The following NTSR1 variants were observed in gnomAD, a reference collection of about 807,000 sequenced individuals.
NTSR1 encodes the protein neurotensin receptor 1.
A neutral mutation model predicts 31.2 loss-of-function variants in NTSR1; 29 were observed. The observed-to-expected ratio is 0.93, with a 90% CI of 0.69 to 1.27. The LOEUF (loss-of-function observed/expected upper bound fraction) is 1.27. Among genes scored for constraint, NTSR1 ranks in the 50% most tolerant of loss-of-function variants. The pLI, the probability that NTSR1 is intolerant of heterozygous loss-of-function variation, is 0.00. For synonymous variants in NTSR1, 282 were observed against 269.9 expected (o/e 1.04, Z -0.44); for missense variants, 697 against 595.4 (o/e 1.17, Z -1.78).
At chr20:62,724,906 C>A (rs1344693253) in intron 1 of NTSR1, among the ~76,000 whole-genome samples, 1 of 152,216 alleles carries the variant, frequency 6.6e-6, no homozygotes, top group Non-Finnish European at 1.5e-5. Flanking sequence ...TCTGTGTCAT[C>A]TAAGGATACT....
intron 1 of NTSR1, among the ~76,000 whole-genome samples, chr20:62,721,097 G>A (rs957385490): frequency 1.3e-5 from 2 of 152,232 alleles, no homozygotes; most frequent in East Asian, 3.8e-4. Flanking sequence ...AGAATGTGCT[G>A]TGCTATCATT....
chr20:62,730,891 G>T (rs992552443), intron 1 of NTSR1, among the ~76,000 whole-genome samples: 1 of 152,140 alleles, frequency 6.6e-6, no homozygotes, highest in Non-Finnish European at 1.5e-5. Flanking sequence ...CTTTGATGAG[G>T]TGTCTATTCA....
intron 2 of NTSR1, among the ~76,000 whole-genome samples, chr20:62,756,030 C>T (rs1459902070): frequency 6.6e-6 from 1 of 151,422 alleles, no homozygotes; most frequent in Non-Finnish European, 1.5e-5. Context: ...CAGCAGTTGG[C>T]TGAGTGCCCA....
intron 1 of NTSR1, 145 bp downstream of exon 1, chr20:62,710,066 G>C (rs922625374): frequency 9.9e-6 from 7 of 705,658 alleles, no homozygotes; most frequent in African/African-American, 5.4e-5. Flanking sequence ...GGGGCAGCTT[G>C]GGGGCAGCTC....
intron 1 of NTSR1, among the ~76,000 whole-genome samples, chr20:62,719,526 C>CGGTACATCGTCATG (rs1809579842): frequency 2.0e-5 from 3 of 152,102 alleles, no homozygotes; most frequent in Non-Finnish European, 2.9e-5. Context: ...CCCTCCCTCT[C>CGGTACATCGTCATG]CAGAGCTCTT....
At chr20:62,756,651 G>A (rs1387219585) in intron 2 of NTSR1, 4 of 152,292 alleles carry the variant, frequency 2.6e-5, no homozygotes, top group Admixed American at 1.3e-4. Context: ...CAGGGCTGGC[G>A]AAGCCCACAG....
intron 1 of NTSR1, among the ~76,000 whole-genome samples, chr20:62,753,472 G>A (rs1814450433): frequency 6.6e-6 from 1 of 152,190 alleles, no homozygotes; most frequent in South Asian, 2.1e-4. Flanking sequence ...AGATACCCCT[G>A]GACTTTCTAC....
intron 1 of NTSR1, among the ~76,000 whole-genome samples, chr20:62,713,020 C>A (rs1387748320): frequency 6.6e-6 from 1 of 152,194 alleles, no homozygotes; most frequent in African/African-American, 2.4e-5. Context: ...GTGTCCGATT[C>A]AAATCAGATG....
chr20:62,725,840 G>A (rs4809583), intron 1 of NTSR1, among the ~76,000 whole-genome samples: 137,728 of 151,858 alleles, frequency 0.91, 62,708 homozygotes, highest in East Asian at 1. Context: ...GGAGTGAGGG[G>A]GAGGGAGGAG....
At chr20:62,721,928 ATCAG>A (rs1280672743) in intron 1 of NTSR1, among the ~76,000 whole-genome samples, 13 of 152,200 alleles carry the variant, frequency 8.5e-5, no homozygotes, top group Admixed American at 8.5e-4. Context: ...TCAGAGTCTG[ATCAG>A]ATTCATATCA....
chr20:62,721,467 G>A (rs1988826511), intron 1 of NTSR1, among the ~76,000 whole-genome samples: 1 of 152,194 alleles, frequency 6.6e-6, no homozygotes, highest in African/African-American at 2.4e-5. Context: ...CCTCTGGAGA[G>A]GCAGCCCGCT....
chr20:62,722,413 C>T (rs1988838939), intron 1 of NTSR1, among the ~76,000 whole-genome samples: 2 of 152,194 alleles, frequency 1.3e-5, no homozygotes, highest in Non-Finnish European at 2.9e-5. Flanking sequence ...GAGACTTCTT[C>T]CCCCTAGCTC....
chr20:62,734,414 C>A (rs1250693179), intron 1 of NTSR1, among the ~76,000 whole-genome samples: 1 of 152,180 alleles, frequency 6.6e-6, no homozygotes, highest in Admixed American at 6.5e-5. Flanking sequence ...CCTTGTCTTA[C>A]CCAGGCTTCA....
At chr20:62,725,502 C>T (rs1445134038) in intron 1 of NTSR1, among the ~76,000 whole-genome samples, 2 of 152,218 alleles carry the variant, frequency 1.3e-5, no homozygotes, top group Non-Finnish European at 2.9e-5. Context: ...GCCCACTCCT[C>T]TTGCTCCCTG....
chr20:62,729,495 G>T (rs1251028489), intron 1 of NTSR1, among the ~76,000 whole-genome samples: 3 of 152,184 alleles, frequency 2.0e-5, no homozygotes, highest in Non-Finnish European at 4.4e-5. Context: ...CACAGGTGTA[G>T]CTCAGAGCCT....
At chr20:62,755,081 T>TATCCTTCCCTCCCTCCATCCATCC (rs1989461973) in intron 2 of NTSR1, among the ~76,000 whole-genome samples, 195 bp downstream of exon 2, 1 of 140,396 alleles carries the variant, frequency 7.1e-6, no homozygotes, top group Non-Finnish European at 1.6e-5. Context: ...TCCTTCCATC[T>TATCCTTCCCTCCCTCCATCCATCC]ATCCTTCCCT....
chr20:62,739,332 A>G (rs533830362), intron 1 of NTSR1, among the ~76,000 whole-genome samples: 2 of 152,348 alleles, frequency 1.3e-5, no homozygotes, highest in Admixed American at 6.5e-5. Flanking sequence ...GCTGTTCCAG[A>G]GCACTGGCCC....
rs1051658610 is a variant in NTSR1 at position 62,744,953 on chromosome 20, C to T, written c.715-9732C>T. ...GGGGTGCACACAGCAGAGGATACTG[C>T]CAGAAGCACGAATGAGATTCCCATG... On this transcript the variant is annotated intron_variant, in intron 1 of 3. Coordinates refer to ENST00000370501, the MANE Select transcript of NTSR1 (RefSeq NM_002531.3). The surrounding 1 kb of genome is among the most constrained non-coding windows in gnomAD (Gnocchi z 4.1). Among the ~76,000 whole-genome samples the T allele has an allele frequency of 6.6e-6, 1 of 152,162 alleles. No individual in the cohort carries two copies. The highest frequency in any genetic ancestry group is 2.4e-5 in the African/African-American group (1 of 41,424).
intron 1 of NTSR1, among the ~76,000 whole-genome samples, chr20:62,719,104 A>G (rs1394842787): frequency 1.0e-5 from 1 of 97,892 alleles, no homozygotes; most frequent in Non-Finnish European, 2.4e-5. Flanking sequence ...CCTTGCTTCC[A>G]GTCCCTTTTT....
Sources: allele counts gnomAD v4.1 joint callset (sites outside exome capture counted in the v4.1 genomes callset), GRCh38; gene constraint gnomAD v4.1.1; non-coding constraint Gnocchi (gnomAD v3.1); transcripts MANE v1.5; gene names NCBI Gene and HGNC (gene_info 2026-07-23, HGNC 2026-07-21).